Variants in MREG observed in about 807,000 individuals in gnomAD.
MREG encodes dilute suppressor protein homolog.
In MREG, 31 loss-of-function variants were observed where a neutral mutation model predicts 28.5. That is an observed-to-expected ratio of 1.09 (90% confidence interval 0.82 to 1.47). The LOEUF (loss-of-function observed/expected upper bound fraction) is 1.47, where lower values mean the gene tolerates loss of function less well. Among genes scored for constraint, MREG ranks in the 40% most tolerant of loss-of-function variants. The probability of loss-of-function intolerance (pLI) is 0.00; values close to 1 mark genes in which losing one functional copy is unlikely to be tolerated. For synonymous variants in MREG, 106 were observed against 95.2 expected (o/e 1.11, Z -0.66); for missense variants, 256 against 257.4 (o/e 0.99, Z 0.04).
In MREG at chr2:216,009,039, G is replaced by A. The variant is rs555980123; in HGVS notation, c.95+4194C>T. ...TGTGGTAGTTAGGTTCTGTAAAGTC[G>A]CTTGAACACTGAATTAGTGAATACT... On this transcript the variant is annotated intron_variant, in intron 1 of 4. Coordinates refer to ENST00000263268, the MANE Select transcript of MREG (RefSeq NM_018000.3). Among the ~76,000 whole-genome samples, 5 of 152,220 alleles carry A rather than the reference G, an allele frequency of 3.3e-5. No individual in the cohort carries two copies. The East Asian group carries it at 7.7e-4, about 23-fold the overall frequency.
At chr2:215,952,349 A>C (rs539349043) in intron 2 of MREG, among the ~76,000 whole-genome samples, 8 of 152,312 alleles carry the variant, frequency 5.3e-5, no homozygotes, top group Admixed American at 2.6e-4. Context: ...GAACGCGCAC[A>C]CACACACACA....
chr2:215,984,328 C>T lies in MREG; in HGVS notation c.255+11978G>A, dbSNP rs373506241. Among the ~76,000 whole-genome samples the T allele has an allele frequency of 7.5e-4, 114 of 152,034 alleles. 1 individual carries two copies. Among genetic ancestry groups the T allele is most frequent in the African/African-American group, 2.6e-3 (108 of 41,460 alleles). ...AGATTTGAGTGGGGACACAGCCAAA[C>T]CATATCAGTTAGCATACATCTCCTT... On this transcript the variant is annotated intron_variant, in intron 2 of 4. Transcript: ENST00000263268.
intron 2 of MREG, among the ~76,000 whole-genome samples, chr2:215,991,407 T>C (rs7579040): frequency 0.12 from 17,856 of 152,138 alleles, 1,373 homozygotes; most frequent in East Asian, 0.4. Flanking sequence ...TAGAGGGAAA[T>C]TTATAGCACT....
chr2:215,974,881 C>T (rs998017922), intron 2 of MREG, among the ~76,000 whole-genome samples: 1 of 151,286 alleles, frequency 6.6e-6, no homozygotes, highest in Non-Finnish European at 1.5e-5. Context: ...CTCTCCCTCT[C>T]TCCACCTCCC....
At chr2:215,993,547 C>G (rs1693778064) in intron 2 of MREG, among the ~76,000 whole-genome samples, 1 of 152,108 alleles carries the variant, frequency 6.6e-6, no homozygotes, top group African/African-American at 2.4e-5. Context: ...AAAACAATGG[C>G]AACAAAAGCC....
chr2:215,991,491 C>A (rs1453708013), intron 2 of MREG, among the ~76,000 whole-genome samples: 2 of 150,794 alleles, frequency 1.3e-5, no homozygotes, highest in South Asian at 2.1e-4. Context: ...ACTAGAGAAG[C>A]AAGAGCAAAC....
chr2:215,955,204 G>T (rs565163437), intron 2 of MREG, among the ~76,000 whole-genome samples: 27 of 152,264 alleles, frequency 1.8e-4, no homozygotes, highest in African/African-American at 6.3e-4. Context: ...AAAAATGTAA[G>T]ATTTGGGCTC....
chr2:215,974,839 C>G (rs1042494759), intron 2 of MREG, among the ~76,000 whole-genome samples: 1 of 146,656 alleles, frequency 6.8e-6, no homozygotes, highest in Admixed American at 6.8e-5. Flanking sequence ...CACACACACA[C>G]ACACACACAC....
intron 1 of MREG, among the ~76,000 whole-genome samples, chr2:216,010,599 C>T (rs1359883362): frequency 6.6e-6 from 1 of 150,570 alleles, no homozygotes; most frequent in Non-Finnish European, 1.5e-5. Context: ...CCTTGTGATC[C>T]GGCCGCCTCG....
chr2:215,965,623 C>T (rs1303883804), intron 2 of MREG, among the ~76,000 whole-genome samples: 1 of 152,200 alleles, frequency 6.6e-6, no homozygotes, highest in Non-Finnish European at 1.5e-5. Flanking sequence ...ATTATTCCTC[C>T]AGGATACCTA....
chr2:216,003,808 T>A (rs1052148291), intron 1 of MREG, among the ~76,000 whole-genome samples: 18 of 152,182 alleles, frequency 1.2e-4, no homozygotes, highest in African/African-American at 3.6e-4. Flanking sequence ...TTGGTCCACA[T>A]TCAAAAAATA....
Position 216,024,998 on chromosome 2 carries a change from AAAAGG to A in MREG, c.-68+7786_-68+7790del, listed in dbSNP as rs1195347223. On this transcript the variant is annotated intron_variant, in intron 1 of 3. Coordinates refer to the MREG transcript ENST00000420348. ...GAAAAAGGAAAAGGAAAAGGAAAGG[AAAAGG>A]AAAGGAAAGGAAGAAAGAAAGAAAA... Among the ~76,000 whole-genome samples the A allele has an allele frequency of 3.3e-5, 5 of 151,866 alleles. No individual in the cohort carries two copies. The South Asian group carries it at 1.0e-3, about 32-fold the overall frequency.
At chr2:215,990,395 A>G (rs915567538) in intron 2 of MREG, among the ~76,000 whole-genome samples, 2 of 152,346 alleles carry the variant, frequency 1.3e-5, no homozygotes, top group Middle Eastern at 3.4e-3. Flanking sequence ...TCCTGAAGGA[A>G]GCACTAAATA....
chr2:215,979,481 AT>A (rs60556551), intron 2 of MREG, among the ~76,000 whole-genome samples: 12 of 144,752 alleles, frequency 8.3e-5, no homozygotes, highest in African/African-American at 3.1e-4. Context: ...AATAATAATA[AT>A]AATAATAATA....
intron 2 of MREG, among the ~76,000 whole-genome samples, chr2:215,973,790 C>T (rs961401575): frequency 9.9e-5 from 15 of 152,176 alleles, no homozygotes; most frequent in African/African-American, 3.1e-4. Context: ...CCATCACAGC[C>T]CTCTCTGAGG....
intron 2 of MREG, among the ~76,000 whole-genome samples, chr2:215,954,787 T>A (rs1465557114): frequency 6.6e-6 from 1 of 152,026 alleles, no homozygotes; most frequent in African/African-American, 2.4e-5. Flanking sequence ...CACTGCAACC[T>A]CCGCCTCCCG....
intron 2 of MREG, among the ~76,000 whole-genome samples, chr2:215,992,801 A>C (rs1482004871): frequency 6.6e-6 from 1 of 152,178 alleles, no homozygotes; most frequent in African/African-American, 2.4e-5. Flanking sequence ...TCATAAATGA[A>C]CTCCCATTCA....
At chr2:216,026,191 G>A (rs1359415617) in intron 1 of MREG, among the ~76,000 whole-genome samples, 1 of 152,188 alleles carries the variant, frequency 6.6e-6, no homozygotes, top group Admixed American at 6.5e-5. Context: ...CTGGGGACAG[G>A]GGTGGGGGAC....
chr2:215,945,054 T>C (rs1030988755), intron 4 of MREG, 57 bp from the exon 5 acceptor site: 2 of 1,489,936 alleles, frequency 1.3e-6, no homozygotes, highest in South Asian at 1.4e-5. Context: ...CCAAGACATG[T>C]CGATGGGAAA....
Sources: allele counts gnomAD v4.1 joint callset (sites outside exome capture counted in the v4.1 genomes callset), GRCh38; gene constraint gnomAD v4.1.1; transcripts MANE v1.5; gene names NCBI Gene and HGNC (gene_info 2026-07-23, HGNC 2026-07-21).